The following LRIG2 variants were observed in gnomAD, a reference collection of about 807,000 sequenced individuals.
LRIG2 encodes leucine rich repeats and immunoglobulin like domains 2.
In LRIG2, 93 loss-of-function variants were observed where a neutral mutation model predicts 107.8. The ratio of observed to expected loss-of-function variants is 0.86; its 90% CI spans 0.73 to 1.03. LRIG2 has a LOEUF of 1.03. Among genes scored for constraint, LRIG2 ranks in the 50% least tolerant of loss-of-function variants. The pLI, the probability that LRIG2 is intolerant of heterozygous loss-of-function variation, is 0.00. For missense variants in LRIG2, 1,226 were observed against 1,296.0 expected, an observed-to-expected ratio of 0.95 and a Z score of 0.83; for synonymous variants, 471 against 470.6, an observed-to-expected ratio of 1.00 and a Z score of -0.01.
rs996999075 is a variant in LRIG2 at position 113,091,314 on chromosome 1, T to C, written c.240-4T>C. The C allele has an allele frequency of 4.4e-6, 7 of 1,592,716 alleles. No homozygotes were observed. The highest frequency in any genetic ancestry group is 5.2e-6 in the Non-Finnish European group (6 of 1,164,200). ...ACTAAGAATGATATTTTGTCCTCTT[T>C]CAGGGATTTCAGTCATAATCGGTTG... On this transcript the variant is annotated splice_polypyrimidine_tract_variant and splice_region_variant and intron_variant, in intron 1 of 17. Transcript: ENST00000361127.
chr1:113,073,465 T>A lies in LRIG2; in HGVS notation c.59T>A (p.Val20Glu). 1 of 1,613,788 alleles carries A rather than the reference T, an allele frequency of 6.2e-7. No homozygotes were observed. The highest frequency in any genetic ancestry group is 2.2e-5 in the East Asian group (1 of 44,824). ...CAGTTGCTGGGGTGTCGATCTAGAG[T>A]GCTTTCTCGGTTACTCTTCATTGCC... ...EEQLLGCRSR[V>E]LSRLLFIAQT... The change falls in exon 1 of 18, where the codon GTG becomes GAG. Residue 20 changes from valine (V) to glutamate (E), a missense_variant. Transcript: ENST00000361127.
In LRIG2 at chr1:113,116,265, G is replaced by A. The variant is rs1216791; in HGVS notation, c.2531-22G>A. 0.84 allele frequency: 1,332,460 copies of A among 1,592,776 alleles called. 560,732 individuals are homozygous for A. The highest frequency in any genetic ancestry group is 0.96 in the East Asian group (42,416 of 44,314). On this transcript the variant is annotated intron_variant, in intron 15 of 17. Coordinates refer to ENST00000361127, the MANE Select transcript of LRIG2 (RefSeq NM_014813.3). ...TGGCTTCAACTGCCTACCTTTGAGAGTTAAAAATGTCTCTTTTACAGAGGA... is the reference window on the plus strand; with the variant it reads ...TGGCTTCAACTGCCTACCTTTGAGAATTAAAAATGTCTCTTTTACAGAGGA...
chr1:113,125,925 T>C lies in LRIG2; in HGVS notation c.*1824T>C, dbSNP rs72988217. 1 of 152,364 alleles carries C rather than the reference T, an allele frequency of 6.6e-6. No homozygotes were observed. Among genetic ancestry groups the C allele is most frequent in the African/African-American group, 2.4e-5 (1 of 41,588 alleles). The allele number at this position is 152,364 out of a possible 1,614,324, so 9.4% of individuals were successfully genotyped here. On this transcript the variant is annotated 3_prime_UTR_variant, in exon 18 of 18. Coordinates refer to ENST00000361127, the MANE Select transcript of LRIG2 (RefSeq NM_014813.3). ...GAAAATATTATTTCTGAGTTCTCTT[T>C]GTTCACTTTCTAAAGTGACTGTTGT... is the stretch of plus-strand genomic sequence containing the variant.
Position 113,107,607 on chromosome 1 carries a change from A to T in LRIG2, c.1327A>T (p.Ser443Cys). 6.2e-7 allele frequency: 1 copy of T among 1,609,396 alleles called. No individual in the cohort carries two copies. Among genetic ancestry groups the T allele is most frequent in the Non-Finnish European group, 8.5e-7 (1 of 1,178,996 alleles). Reference sequence around the variant, plus strand: ...TCTTTCCTGCAGGATTCTGAACACAAGCAGTTTGCTCTGTGACTGCCATTT... The same window carrying T: ...TCTTTCCTGCAGGATTCTGAACACATGCAGTTTGCTCTGTGACTGCCATTT... ...THLKELILNT[S>C]SLLCDCHLKW... Residue 443 changes from serine (S) to cysteine (C), a missense_variant, in exon 12 of 18, where the codon AGC (serine) becomes TGC (cysteine). Coordinates refer to ENST00000361127, the MANE Select transcript of LRIG2 (RefSeq NM_014813.3).
At chr1:113,082,250 C>T (rs1423698868) in intron 1 of LRIG2, among the ~76,000 whole-genome samples, 1 of 152,152 alleles carries the variant, frequency 6.6e-6, no homozygotes, top group East Asian at 1.9e-4. Flanking sequence ...CTAGTGATAT[C>T]TTCAAGACAT....
chr1:113,093,226 T>C lies in LRIG2; in HGVS notation c.326T>C (p.Leu109Pro), dbSNP rs754159921. ...CCTAGGAAAATGAATTACAATGAAC[T>C]AACAGAAATCCCGTATTTTGGAGAA... ...LQEVKMNYNE[L>P]TEIPYFGEPT... Residue 109 changes from leucine to proline, a missense_variant, in exon 3 of 18, where the codon CTA becomes CCA. By Grantham distance (98) the Leu-to-Pro change is moderately conservative. Transcript: ENST00000361127. 1 of 1,597,276 alleles carries C rather than the reference T, an allele frequency of 6.3e-7. No individual in the cohort carries two copies. Among genetic ancestry groups the C allele is most frequent in the Admixed American group, 1.7e-5 (1 of 58,098 alleles).
At position 113,112,576 on chromosome 1, in the gene LRIG2, G is replaced by C; in HGVS notation, c.1896G>C (p.Gln632His). Reference sequence around the variant, plus strand: ...CTGCAGAGGGACACCCTGCACCTCAGATTTCCTGGCAGAAAGATGGTGGTA... The same window carrying C: ...CTGCAGAGGGACACCCTGCACCTCACATTTCCTGGCAGAAAGATGGTGGTA... ...ECAAEGHPAP[Q>H]ISWQKDGGTD... is the part of the protein sequence containing the mutation. Residue 632 changes from glutamine (Q) to histidine (H), a missense_variant, in exon 14 of 18, where the codon CAG becomes CAC. Around this residue, in one of 3 missense-constraint regions of LRIG2, gnomAD observed 642 missense variants for 712.2 expected, o/e 0.90. Transcript: ENST00000361127. The C allele has an allele frequency of 6.2e-7, 1 of 1,614,194 alleles. No individual in the cohort carries two copies. Among genetic ancestry groups the C allele is most frequent in the Non-Finnish European group, 8.5e-7 (1 of 1,180,032 alleles).
rs548344171 is a variant in LRIG2 at position 113,131,256 on chromosome 1, G to C, written c.*7155G>C. ...AGCCCTCTTGATAATTTTTATTCTT[G>C]TTTCTTCTTATCTGTGGGACTCCAA... is the stretch of plus-strand genomic sequence containing the variant. On this transcript the variant is annotated 3_prime_UTR_variant, in exon 18 of 18. Coordinates refer to ENST00000361127, the MANE Select transcript of LRIG2 (RefSeq NM_014813.3). 6.6e-6 allele frequency: 1 copy of C among 152,240 alleles called. No individual in the cohort carries two copies. The highest frequency in any genetic ancestry group is 1.5e-5 in the Non-Finnish European group (1 of 68,014). 9.4% of individuals were successfully genotyped at this position (152,240 alleles called of 1,614,324 possible). A position where few individuals can be genotyped will look rare whatever the true frequency, so the allele number is the denominator to read the frequency against.
At chr1:113,077,833 C>T (rs1385197124) in intron 1 of LRIG2, among the ~76,000 whole-genome samples, 1 of 151,022 alleles carries the variant, frequency 6.6e-6, no homozygotes, top group Non-Finnish European at 1.5e-5. Flanking sequence ...TGTGCTGCAC[C>T]CATTAACTCA....
chr1:113,094,927 C>A (rs1194698209), intron 6 of LRIG2, among the ~76,000 whole-genome samples, 172 bp downstream of exon 6: 2 of 151,382 alleles, frequency 1.3e-5, no homozygotes, highest in Admixed American at 6.6e-5. Flanking sequence ...GCTAACTGAT[C>A]AATTTTGAAA....
chr1:113,095,239 G>A lies in LRIG2; in HGVS notation c.803+484G>A, dbSNP rs1298282838. Among the ~76,000 whole-genome samples, 8 of 152,204 alleles carry A rather than the reference G, an allele frequency of 5.3e-5. No individual in the cohort carries two copies. In the East Asian group the frequency reaches 1.5e-3, roughly 29 times the overall value. Reference sequence around the variant, plus strand: ...ACCCACCTTGGCCTCCCAAAGTGCTGTGATTACAGGCATGAGCCACCGTGC... The same window carrying A: ...ACCCACCTTGGCCTCCCAAAGTGCTATGATTACAGGCATGAGCCACCGTGC... On this transcript the variant is annotated intron_variant, in intron 6 of 17. Transcript: ENST00000361127.
At position 113,087,924 on chromosome 1, in the gene LRIG2, C is replaced by T. The variant is rs565529744; in HGVS notation, c.240-3394C>T. 2.0e-5 allele frequency among the ~76,000 whole-genome samples: 3 copies of T among 152,318 alleles called. No homozygotes were observed. The East Asian group carries it at 5.8e-4, about 29-fold the overall frequency. On this transcript the variant is annotated intron_variant, in intron 1 of 17. Transcript: ENST00000361127. ...TGCTTTTGGAAAAAGAAAAAGGTTACTAAAGTTGACAGTGCTTACAACCCT... is the reference window on the plus strand; with the variant it reads ...TGCTTTTGGAAAAAGAAAAAGGTTATTAAAGTTGACAGTGCTTACAACCCT...
At chr1:113,084,089 A>G (rs1344426347) in intron 1 of LRIG2, among the ~76,000 whole-genome samples, 1 of 150,062 alleles carries the variant, frequency 6.7e-6, no homozygotes, top group Non-Finnish European at 1.5e-5. Flanking sequence ...CTGGGGTGGG[A>G]CTTAACTATC....
At position 113,077,618 on chromosome 1, in the gene LRIG2, T is replaced by G. The variant is rs575652860; in HGVS notation, c.239+3973T>G. 1.1e-4 allele frequency among the ~76,000 whole-genome samples: 16 copies of G among 152,338 alleles called. No individual in the cohort carries two copies. In the South Asian group the frequency reaches 3.1e-3, roughly 30 times the overall value. ...TATAATAGTTGTGAACAGATTCGTT[T>G]TTTAGCATAGAGGACATAAGCTTAT... On this transcript the variant is annotated intron_variant, in intron 1 of 17. Coordinates refer to ENST00000361127, the MANE Select transcript of LRIG2 (RefSeq NM_014813.3).
At position 113,118,915 on chromosome 1, in the gene LRIG2, C is replaced by T. The variant is rs780056972; in HGVS notation, c.2681-318C>T. On this transcript the variant is annotated intron_variant, in intron 16 of 17. Coordinates refer to ENST00000361127, the MANE Select transcript of LRIG2 (RefSeq NM_014813.3). Reference sequence around the variant, plus strand: ...TCCTTACCTTGTGATCTGCCCGCCTCGGCCTCCCAAAGTGCTGGGATTACA... The same window carrying T: ...TCCTTACCTTGTGATCTGCCCGCCTTGGCCTCCCAAAGTGCTGGGATTACA... 7.0e-4 allele frequency among the ~76,000 whole-genome samples: 107 copies of T among 152,204 alleles called. 1 individual carries two copies. Among genetic ancestry groups the T allele is most frequent in the Admixed American group, 1.4e-3 (21 of 15,282 alleles).
At position 113,073,580 on chromosome 1, in the gene LRIG2, C is replaced by A; in HGVS notation, c.174C>A (p.Arg58=). The change falls in exon 1 of 18, where the codon CGC becomes CGA. Residue 58 remains arginine (R), a synonymous_variant. Transcript: ENST00000361127. ...SCRIPLLDCS[R]RKLPAPSWRA... ...GCATTCCTCTCCTGGACTGCAGTCG[C>A]AGGAAATTGCCCGCACCGAGCTGGA... 6.2e-7 allele frequency: 1 copy of A among 1,613,936 alleles called. No individual in the cohort carries two copies. The highest frequency in any genetic ancestry group is 8.5e-7 in the Non-Finnish European group (1 of 1,179,968).
In LRIG2 at chr1:113,093,514, A is replaced by G; in HGVS notation, c.465A>G (p.Ile155Met). 6.2e-7 allele frequency: 1 copy of G among 1,611,728 alleles called. No individual in the cohort carries two copies. Among genetic ancestry groups the G allele is most frequent in the Non-Finnish European group, 8.5e-7 (1 of 1,178,204 alleles). Residue 155 changes from isoleucine (I) to methionine (M), a missense_variant, in exon 4 of 18, where the codon ATA (isoleucine) becomes ATG (methionine). Physicochemically the swap from Ile to Met is conservative, Grantham distance 10. This residue lies in a region of LRIG2 where 570 missense variants were observed against 550.2 expected (regional missense o/e 1.04). Transcript: ENST00000361127. ...ALESLDLSSNIISEIKTSSFP... is the reference protein window; with the variant it reads ...ALESLDLSSNMISEIKTSSFP... Reference sequence around the variant, plus strand: ...AGAGTTTAGACCTCAGCTCAAATATAATATCAGAAATCAAGACATCTTCAT... The same window carrying G: ...AGAGTTTAGACCTCAGCTCAAATATGATATCAGAAATCAAGACATCTTCAT...
intron 1 of LRIG2, among the ~76,000 whole-genome samples, chr1:113,078,965 A>G (rs1046815769): frequency 1.8e-4 from 28 of 152,160 alleles, no homozygotes; most frequent in Non-Finnish European, 8.8e-5. Flanking sequence ...TTTTGAGATA[A>G]CTTTGTAACT....
intron 2 of LRIG2, among the ~76,000 whole-genome samples, chr1:113,091,961 A>G (rs920978825): frequency 1.3e-5 from 2 of 152,164 alleles, no homozygotes; most frequent in African/African-American, 2.4e-5. Context: ...ATATAGGCCT[A>G]TTTGCCTCTA....
Sources: gnomAD v4.1 joint callset for allele counts (sites outside exome capture counted in the v4.1 genomes callset) on GRCh38, gnomAD v4.1.1 for gene constraint, gnomAD v4.1.1 regional missense constraint, MANE v1.5 for transcripts, NCBI Gene and HGNC (gene_info 2026-07-23, HGNC 2026-07-21) for gene names.